Variants in PLCL1 observed in about 807,000 individuals in gnomAD.
The protein encoded by PLCL1 is phospholipase C like 1 (inactive).
Under a neutral mutation model 84.4 loss-of-function variants are expected in PLCL1, and 41 were observed. The ratio of observed to expected loss-of-function variants is 0.49; its 90% CI spans 0.38 to 0.63. The LOEUF is 0.63. Ranked by LOEUF, PLCL1 falls within the 30% of genes least tolerant of loss-of-function variation. The pLI is 0.00. For synonymous variants in PLCL1, 490 were observed against 488.3 expected (o/e 1.00, Z -0.05); for missense variants, 1,206 against 1,367.8 (o/e 0.88, Z 1.87).
intron 1 of PLCL1, among the ~76,000 whole-genome samples, chr2:197,877,715 G>A (rs879447863): frequency 1.4e-4 from 21 of 151,990 alleles, no homozygotes; most frequent in Non-Finnish European, 2.5e-4. Context: ...GGAAATGAAC[G>A]CAAGTCCACT....
Position 198,083,895 on chromosome 2 carries a change from A to G in PLCL1, c.378A>G (p.Pro126=). ...QAGCELKKVR[P]NSRIYNRFFT... ...GCTGTGAGTTGAAGAAAGTCCGGCC[A>G]AATTCTCGCATTTACAACCGTTTTT... The change falls in exon 2 of 6, where the codon CCA becomes CCG. Residue 126 remains proline (P), a synonymous_variant. Coordinates refer to ENST00000428675, the MANE Select transcript of PLCL1 (RefSeq NM_006226.4). The G allele has an allele frequency of 1.2e-6, 2 of 1,614,182 alleles. No homozygotes were observed. The highest frequency in any genetic ancestry group is 1.7e-6 in the Non-Finnish European group (2 of 1,180,010).
chr2:198,023,143 T>C (rs1237305035), intron 1 of PLCL1, among the ~76,000 whole-genome samples: 2 of 152,158 alleles, frequency 1.3e-5, no homozygotes, highest in Non-Finnish European at 2.9e-5. Context: ...AAACAAGCAA[T>C]GGGGAAAGGA....
At chr2:198,137,514 A>G (rs1420203078) in intron 5 of PLCL1, among the ~76,000 whole-genome samples, 2 of 152,196 alleles carry the variant, frequency 1.3e-5, no homozygotes, top group African/African-American at 4.8e-5. Flanking sequence ...CTGTGCCATA[A>G]AGGCGGTAAC....
intron 1 of PLCL1, among the ~76,000 whole-genome samples, chr2:197,853,541 G>A (rs1236642446): frequency 6.6e-6 from 1 of 152,166 alleles, no homozygotes; most frequent in African/African-American, 2.4e-5. Context: ...AGGGCTATCA[G>A]GGTTAGAGAT....
At chr2:198,118,494 G>A (rs1693796598) in intron 5 of PLCL1, among the ~76,000 whole-genome samples, 1 of 151,924 alleles carries the variant, frequency 6.6e-6, no homozygotes, top group African/African-American at 2.4e-5. Context: ...AGATACTCAG[G>A]AAAAGTTTTC....
At chr2:197,976,531 C>T (rs1467711735) in intron 1 of PLCL1, among the ~76,000 whole-genome samples, 1 of 152,178 alleles carries the variant, frequency 6.6e-6, no homozygotes, top group Admixed American at 6.5e-5. Context: ...TCACTGCAAC[C>T]TCTGCCTCCT....
chr2:198,060,712 ATAAT>A (rs1174930686), intron 1 of PLCL1, among the ~76,000 whole-genome samples: 2 of 152,178 alleles, frequency 1.3e-5, no homozygotes, highest in Non-Finnish European at 2.9e-5. Flanking sequence ...TGTTTTGAAA[ATAAT>A]TAGGTTCAAT....
chr2:197,901,767 G>T lies in PLCL1; in HGVS notation c.240+96428G>T, dbSNP rs79664100. Among the ~76,000 whole-genome samples the T allele has an allele frequency of 4.1e-3, 618 of 152,174 alleles. 4 individuals are homozygous for T. Among genetic ancestry groups the T allele is most frequent in the African/African-American group, 0.014 (576 of 41,528 alleles). Reference sequence around the variant, plus strand: ...ATTCATTGAAAGGAGGCAGATGAGAGTTATCTTCAGATCACTTATTCCAAT... The same window carrying T: ...ATTCATTGAAAGGAGGCAGATGAGATTTATCTTCAGATCACTTATTCCAAT... On this transcript the variant is annotated intron_variant, in intron 1 of 5. Transcript: ENST00000428675.
chr2:198,094,243 A>G (rs759428640), intron 3 of PLCL1, among the ~76,000 whole-genome samples: 2 of 152,090 alleles, frequency 1.3e-5, no homozygotes, highest in South Asian at 2.1e-4. Flanking sequence ...TTGTATTTTT[A>G]GTAGAGACAG....
chr2:198,148,065 CA>C lies in PLCL1; in HGVS notation c.*1108del, dbSNP rs1694568708. On this transcript the variant is annotated 3_prime_UTR_variant, in exon 6 of 6. Coordinates refer to ENST00000428675, the MANE Select transcript of PLCL1 (RefSeq NM_006226.4). ...TAACACACACAGAAAAGCATACATG[CA>C]AAAAGAAATGACTAATTAGGGTACA... is the stretch of plus-strand genomic sequence containing the variant. 1 of 152,140 alleles carries C rather than the reference CA, an allele frequency of 6.6e-6. No homozygotes were observed. The highest frequency in any genetic ancestry group is 1.5e-5 in the Non-Finnish European group (1 of 67,960). The allele number at this position is 152,140 out of a possible 1,614,324, so 9.4% of individuals were successfully genotyped here.
chr2:198,104,365 A>C (rs1470478245), intron 5 of PLCL1, among the ~76,000 whole-genome samples: 2 of 152,028 alleles, frequency 1.3e-5, no homozygotes, highest in African/African-American at 4.8e-5. Flanking sequence ...TGCAAAGGAC[A>C]TGATCTTATT....
chr2:197,827,962 G>GT (rs11423593), intron 1 of PLCL1, among the ~76,000 whole-genome samples: 107,953 of 151,948 alleles, frequency 0.71, 39,076 homozygotes, highest in Middle Eastern at 0.85. Flanking sequence ...TAGCAAATAT[G>GT]TTTTTTATAA....
At chr2:198,062,201 C>T (rs1692221472) in intron 1 of PLCL1, among the ~76,000 whole-genome samples, 2 of 152,084 alleles carry the variant, frequency 1.3e-5, no homozygotes. Flanking sequence ...CTCATTTACA[C>T]GTTATTTTTT....
At chr2:198,107,389 G>A (rs1209514735) in intron 5 of PLCL1, among the ~76,000 whole-genome samples, 1 of 151,860 alleles carries the variant, frequency 6.6e-6, no homozygotes, top group Admixed American at 6.6e-5. Flanking sequence ...GCCTAGTGCA[G>A]GAATAAGAAT....
At chr2:197,955,723 C>A (rs1689475811) in intron 1 of PLCL1, among the ~76,000 whole-genome samples, 1 of 151,784 alleles carries the variant, frequency 6.6e-6, no homozygotes, top group Non-Finnish European at 1.5e-5. Flanking sequence ...TGATCTCATG[C>A]CATTTTATGG....
intron 1 of PLCL1, among the ~76,000 whole-genome samples, chr2:197,969,940 C>G (rs769483521): frequency 2.0e-5 from 3 of 152,112 alleles, no homozygotes; most frequent in African/African-American, 7.2e-5. Flanking sequence ...ATTCTTTGAG[C>G]CATTGAGATT....
At chr2:197,809,348 C>T (rs1690538580) in intron 1 of PLCL1, among the ~76,000 whole-genome samples, 1 of 152,180 alleles carries the variant, frequency 6.6e-6, no homozygotes, top group South Asian at 2.1e-4. Flanking sequence ...TGGGCTGGTT[C>T]TCAGATGCAA....
Position 197,966,091 on chromosome 2 carries a change from C to A in PLCL1, c.241-117667C>A, listed in dbSNP as rs575680552. Among the ~76,000 whole-genome samples the A allele has an allele frequency of 2.0e-5, 3 of 152,024 alleles. No individual in the cohort carries two copies. In the South Asian group the frequency reaches 6.2e-4, roughly 32 times the overall value. ...TCATCTGGGCATCCAGGAGATAGGG[C>A]CTCAGAACTCTGCCTCATGCCCTAT... On this transcript the variant is annotated intron_variant, in intron 1 of 5. Coordinates refer to ENST00000428675, the MANE Select transcript of PLCL1 (RefSeq NM_006226.4).
chr2:197,904,236 C>T (rs1165064902), intron 1 of PLCL1, among the ~76,000 whole-genome samples: 5 of 152,304 alleles, frequency 3.3e-5, no homozygotes, highest in Non-Finnish European at 4.4e-5. Context: ...CAGAGCATTA[C>T]TGTTTCCTTT....
Sources: allele counts gnomAD v4.1 joint callset (sites outside exome capture counted in the v4.1 genomes callset), GRCh38; gene constraint gnomAD v4.1.1; transcripts MANE v1.5; gene names NCBI Gene and HGNC (gene_info 2026-07-23, HGNC 2026-07-21).